The following RORA variants were observed in gnomAD, a reference collection of about 807,000 sequenced individuals.
RORA encodes nuclear receptor ROR-alpha.
In RORA, 7 loss-of-function variants were observed where a neutral mutation model predicts 69.5. That is an observed-to-expected ratio of 0.10 (90% CI 0.06 to 0.19). The LOEUF is 0.19. RORA is among the 10% of genes least tolerant of loss of function. The pLI is 1.00. For synonymous variants in RORA, 261 were observed against 240.8 expected, an observed-to-expected ratio of 1.08 and a Z score of -0.78; for missense variants, 457 against 663.0, an observed-to-expected ratio of 0.69 and a Z score of 3.41.
At chr15:60,591,724 G>A (rs2068518686) in intron 2 of RORA, among the ~76,000 whole-genome samples, 1 of 152,092 alleles carries the variant, frequency 6.6e-6, no homozygotes, top group East Asian at 1.9e-4. Flanking sequence ...TCCCTGGGCC[G>A]CCCAGAGCGT....
intron 8 of RORA, among the ~76,000 whole-genome samples, chr15:60,502,311 G>A (rs781329870): frequency 1.1e-3 from 161 of 152,108 alleles, no homozygotes; most frequent in Non-Finnish European, 1.8e-3. Context: ...ATATATCATG[G>A]TTTCACTTAA....
At chr15:60,708,204 C>G (rs2071092047) in intron 1 of RORA, among the ~76,000 whole-genome samples, 1 of 151,558 alleles carries the variant, frequency 6.6e-6, no homozygotes, top group Non-Finnish European at 1.5e-5. Flanking sequence ...AGGTACCTAT[C>G]TTCTTTTTTA....
chr15:60,782,954 G>A (rs1005878501), intron 1 of RORA, among the ~76,000 whole-genome samples: 2 of 152,128 alleles, frequency 1.3e-5, no homozygotes, highest in African/African-American at 4.8e-5. Flanking sequence ...TGCATATCCC[G>A]ACCCAGCAGC....
intron 2 of RORA, among the ~76,000 whole-genome samples, chr15:60,647,712 T>G (rs968483081): frequency 6.6e-6 from 1 of 152,174 alleles, no homozygotes; most frequent in African/African-American, 2.4e-5. Context: ...CCCAGCACCT[T>G]ATACTCAGGA....
intron 1 of RORA, among the ~76,000 whole-genome samples, chr15:60,699,715 CTGTAA>C (rs958576618): frequency 1.3e-5 from 2 of 152,090 alleles, no homozygotes; most frequent in African/African-American, 4.8e-5. Context: ...TTAACACTTT[CTGTAA>C]CAGATTACTG....
intron 1 of RORA, among the ~76,000 whole-genome samples, chr15:60,806,424 C>A (rs2072660572): frequency 1.3e-5 from 2 of 152,208 alleles, no homozygotes; most frequent in Admixed American, 1.3e-4. Flanking sequence ...GTTAAAACAT[C>A]TCTTGCCATG....
At chr15:60,830,992 A>G (rs949832859) in intron 1 of RORA, among the ~76,000 whole-genome samples, 18 of 152,310 alleles carry the variant, frequency 1.2e-4, no homozygotes, top group East Asian at 1.9e-4. Context: ...AGAAACCCCA[A>G]TTCAACATAG....
At chr15:60,892,061 G>A (rs537911685) in intron 1 of RORA, among the ~76,000 whole-genome samples, 4 of 152,284 alleles carry the variant, frequency 2.6e-5, no homozygotes, top group East Asian at 3.9e-4. Flanking sequence ...GAATGATTCC[G>A]AGGCCTCATC....
At position 61,226,758 on chromosome 15, in the gene RORA, A is replaced by G. The variant is rs2080148288; in HGVS notation, c.166+2295T>C. 6.6e-6 allele frequency among the ~76,000 whole-genome samples: 1 copy of G among 152,074 alleles called. No homozygotes were observed. ...CCTTCCTTTTTCCATTCAGACTGTTATATAACCTAGTGCCTGCGTGCAGGA... is the reference window on the plus strand; with the variant it reads ...CCTTCCTTTTTCCATTCAGACTGTTGTATAACCTAGTGCCTGCGTGCAGGA... On this transcript the variant is annotated intron_variant, in intron 1 of 10. Transcript: ENST00000335670. The surrounding 1 kb of genome is among the most constrained non-coding windows in gnomAD (Gnocchi z 4.2).
At chr15:61,206,883 C>G (rs1032784153) in intron 1 of RORA, among the ~76,000 whole-genome samples, 4 of 152,176 alleles carry the variant, frequency 2.6e-5, no homozygotes, top group Admixed American at 2.6e-4. Context: ...GCAAAGCTTT[C>G]GCAGGACCCA....
At chr15:60,826,986 T>A (rs1457362984) in intron 1 of RORA, among the ~76,000 whole-genome samples, 2 of 152,192 alleles carry the variant, frequency 1.3e-5, no homozygotes, top group Non-Finnish European at 2.9e-5. Flanking sequence ...ACCAAAGCCC[T>A]CCGTGATGTG....
At chr15:60,683,655 C>CACACACACAA (rs1567154392) in intron 1 of RORA, among the ~76,000 whole-genome samples, 1 of 151,530 alleles carries the variant, frequency 6.6e-6, no homozygotes. Context: ...CATACACACA[C>CACACACACAA]ACACACACAC....
chr15:60,947,100 G>A lies in RORA; in HGVS notation c.167-268414C>T, dbSNP rs557091404. Among the ~76,000 whole-genome samples the A allele has an allele frequency of 2.6e-4, 39 of 149,120 alleles. No homozygotes were observed. In the East Asian group the frequency reaches 7.3e-3, roughly 28 times the overall value. On this transcript the variant is annotated intron_variant, in intron 1 of 10. Coordinates refer to ENST00000335670, the MANE Select transcript of RORA (RefSeq NM_134261.3). The stretch of plus-strand genomic sequence containing the variant: ...CCCCGACCGGCCAGCCGCCCTGTCC[G>A]GGAGGGAGGTGGGGGGGTCAGCCCC...
intron 1 of RORA, among the ~76,000 whole-genome samples, chr15:61,027,813 T>C (rs1174003614): frequency 6.6e-6 from 1 of 152,164 alleles, no homozygotes; most frequent in East Asian, 1.9e-4. Flanking sequence ...ACATTTTCTC[T>C]CAAAGTCTCA....
Position 60,497,394 on chromosome 15 carries a change from T to G in RORA, c.*61A>C. 1 of 1,507,792 alleles carries G rather than the reference T, an allele frequency of 6.6e-7. No homozygotes were observed. Among genetic ancestry groups the G allele is most frequent in the Non-Finnish European group, 9.2e-7 (1 of 1,089,686 alleles). The allele number at this position is 1,507,792 out of a possible 1,614,324, so 93.4% of individuals were successfully genotyped here. On this transcript the variant is annotated 3_prime_UTR_variant, in exon 11 of 11. Transcript: ENST00000335670. ...GGCCATATAAAGTGTCTCGGTTAAT[T>G]TTTTTGTTTGTTTTTCATGTTTGTA...
At chr15:60,955,117 C>A (rs917288416) in intron 1 of RORA, among the ~76,000 whole-genome samples, 4 of 152,188 alleles carry the variant, frequency 2.6e-5, no homozygotes, top group African/African-American at 9.7e-5. Flanking sequence ...GCCTGGCCAA[C>A]ATGGTGAAAC....
chr15:61,010,564 G>T (rs1226060840), intron 1 of RORA, among the ~76,000 whole-genome samples: 3 of 152,168 alleles, frequency 2.0e-5, no homozygotes, highest in Admixed American at 1.3e-4. Context: ...CATCCCAGGG[G>T]TGTGGAGCTT....
chr15:60,499,781 C>T, intron 10 of RORA, 111 bp downstream of exon 10: 1 of 616,626 alleles, frequency 1.6e-6, no homozygotes, highest in Non-Finnish European at 2.9e-6. Flanking sequence ...TAGCCTGTTG[C>T]CTTCTGATAC....
rs776035356 is a variant in RORA at position 60,499,997 on chromosome 15, T to C, written c.1302A>G (p.Ser434=). ...SAFVLMSADR[S]WLQEKVKIEK... Reference sequence around the variant, plus strand: ...CAATTTTTACCTTTTCTTGCAGCCATGAGCGATCTAAGCATAAAAAAATGA... The same window carrying C: ...CAATTTTTACCTTTTCTTGCAGCCACGAGCGATCTAAGCATAAAAAAATGA... The change falls in exon 10 of 11, where the codon TCA becomes TCG. Residue 434 remains serine (S), a synonymous_variant. Coordinates refer to ENST00000335670, the MANE Select transcript of RORA (RefSeq NM_134261.3). 5.6e-6 allele frequency: 9 copies of C among 1,605,522 alleles called. No individual in the cohort carries two copies. The East Asian group carries it at 1.6e-4, about 28-fold the overall frequency.
Sources: gnomAD v4.1 joint callset for allele counts (sites outside exome capture counted in the v4.1 genomes callset) on GRCh38, gnomAD v4.1.1 for gene constraint, Gnocchi (gnomAD v3.1) non-coding constraint, MANE v1.5 for transcripts, NCBI Gene and HGNC (gene_info 2026-07-23, HGNC 2026-07-21) for gene names.